Variants in NPDC1 observed in about 807,000 individuals in gnomAD.
NPDC1 encodes neural proliferation differentiation and control protein 1.
NPDC1 carries 18 observed loss-of-function variants against 32.5 expected under a neutral mutation model. The ratio of observed to expected loss-of-function variants is 0.55; its 90% CI spans 0.38 to 0.82. The LOEUF (loss-of-function observed/expected upper bound fraction) is 0.82, where lower values mean the gene tolerates loss of function less well. Among genes scored for constraint, NPDC1 ranks in the 40% least tolerant of loss-of-function variants. NPDC1 has a pLI of 0.00. For missense variants in NPDC1, 468 were observed against 406.6 expected, an observed-to-expected ratio of 1.15 and a Z score of -1.30; for synonymous variants, 210 against 184.7, an observed-to-expected ratio of 1.14 and a Z score of -1.11.
At chr9:137,041,309 CCT>C (rs2131501777) in intron 2 of NPDC1, 122 bp from the exon 3 acceptor site, 1 of 1,087,892 alleles carries the variant, frequency 9.2e-7, no homozygotes, top group Admixed American at 4.0e-5. Flanking sequence ...GCCTGGAGGC[CCT>C]CTCCCTCCCA....
chr9:137,045,037 G>A (rs1832110005), intron 1 of NPDC1, among the ~76,000 whole-genome samples: 1 of 152,210 alleles, frequency 6.6e-6, no homozygotes, highest in South Asian at 2.1e-4. Context: ...TCTTCTGCAG[G>A]GCTGCCAGGA....
At position 137,045,679 on chromosome 9, in the gene NPDC1, G is replaced by A. The variant is rs145834136; in HGVS notation, c.112+199C>T. ...GAAGCCCCATCCGGCGCGGCCTTTTGGAGGCTCCGCGCTGCGCCCTCCGGC... is the reference window on the plus strand; with the variant it reads ...GAAGCCCCATCCGGCGCGGCCTTTTAGAGGCTCCGCGCTGCGCCCTCCGGC... On this transcript the variant is annotated intron_variant, in intron 1 of 8. Transcript: ENST00000371601. 4.8e-4 allele frequency among the ~76,000 whole-genome samples: 73 copies of A among 152,308 alleles called. 1 individual carries two copies. The South Asian group carries it at 7.0e-3, about 15-fold the overall frequency.
rs565906807 is a variant in NPDC1, at chr9:137,040,458, G to T, written c.709-22C>A. On this transcript the variant is annotated intron_variant, in intron 6 of 8. Transcript: ENST00000371601. ...CAGGCTGTGGGAAGGAGGAGGCGAG[G>T]GTCAGTTGGCGGCCAGAGTTGGGCG... 5.1e-6 allele frequency: 8 copies of T among 1,562,966 alleles called. No individual in the cohort carries two copies. The East Asian group carries it at 1.9e-4, about 37-fold the overall frequency.
intron 1 of NPDC1, among the ~76,000 whole-genome samples, chr9:137,045,452 CGCGCACCGGCA>C (rs1437878912): frequency 6.6e-6 from 1 of 152,222 alleles, no homozygotes; most frequent in Non-Finnish European, 1.5e-5. Context: ...GACCCCGGGA[CGCGCACCGGCA>C]GCGAAGCCGG....
Position 137,040,240 on chromosome 9 carries a change from G to T in NPDC1, c.788+117C>A, listed in dbSNP as rs1011112907. ...GGCGGCGGGGGAGGTGAAGGTTAGC[G>T]TGCAGGTGAGGGTGGCAGGGCCTGG... On this transcript the variant is annotated intron_variant, in intron 7 of 8. Coordinates refer to ENST00000371601, the MANE Select transcript of NPDC1 (RefSeq NM_015392.4). 17 of 966,108 alleles carry T rather than the reference G, an allele frequency of 1.8e-5. No individual in the cohort carries two copies. In the African/African-American group the frequency reaches 2.4e-4, roughly 14 times the overall value. 59.8% of individuals were successfully genotyped at this position (966,108 alleles called of 1,614,324 possible).
At position 137,041,082 on chromosome 9, in the gene NPDC1, C is replaced by A. The variant is rs143244193; in HGVS notation, c.365G>T (p.Arg122Leu). 9.2e-6 allele frequency: 14 copies of A among 1,526,368 alleles called. No homozygotes were observed. Among genetic ancestry groups the A allele is most frequent in the Non-Finnish European group, 1.1e-5 (12 of 1,139,018 alleles). The allele number at this position is 1,526,368 out of a possible 1,614,324, so 94.6% of individuals were successfully genotyped here. A position where few individuals can be genotyped will look rare whatever the true frequency, so the allele number is the denominator to read the frequency against. The change falls in exon 3 of 9, where the codon CGA becomes CTA. Residue 122 changes from arginine (R) to leucine (L), a missense_variant. Physicochemically the swap from Arg to Leu is moderately radical, Grantham distance 102 (BLOSUM62 -2). Coordinates refer to ENST00000371601, the MANE Select transcript of NPDC1 (RefSeq NM_015392.4). ...GHSTPPLPKDRQRLPEPATLG... is the reference protein window; with the variant it reads ...GHSTPPLPKDLQRLPEPATLG... ...CTCACCAGGCTCCGGGAGCCGCTGT[C>A]GGTCCTTGGGTAGGGGCGGAGTTGA... is the stretch of plus-strand genomic sequence containing the variant.
rs1832045433 is a variant in NPDC1, at chr9:137,041,140, C to A, written c.307G>T (p.Ala103Ser). Residue 103 changes from alanine to serine, a missense_variant, in exon 3 of 9, where the codon GCC becomes TCC. Physicochemically the swap from Ala to Ser is moderately conservative, Grantham distance 99. Transcript: ENST00000371601. ...GACTCCTTCCGGGCAAGCTCCTGGGCCAGGAAGTCAATCTCATCTTCCAGT... is the reference window on the plus strand; with the variant it reads ...GACTCCTTCCGGGCAAGCTCCTGGGACAGGAAGTCAATCTCATCTTCCAGT... ...PRLEDEIDFLAQELARKESGH... is the reference protein window; with the variant it reads ...PRLEDEIDFLSQELARKESGH... The A allele has an allele frequency of 6.7e-7, 1 of 1,499,546 alleles. No homozygotes were observed. Among genetic ancestry groups the A allele is most frequent in the Non-Finnish European group, 8.9e-7 (1 of 1,125,846 alleles). The allele number at this position is 1,499,546 out of a possible 1,614,324, so 92.9% of individuals were successfully genotyped here.
chr9:137,043,778 G>T, intron 1 of NPDC1: 1 of 223,928 alleles, frequency 4.5e-6, no homozygotes, highest in Non-Finnish European at 8.9e-6. Flanking sequence ...GGCAGGCCAG[G>T]CCCTAGTTCC....
intron 2 of NPDC1, among the ~76,000 whole-genome samples, chr9:137,042,443 CAGAT>C (rs1327008910): frequency 6.6e-6 from 1 of 151,602 alleles, no homozygotes; most frequent in Non-Finnish European, 1.5e-5. Flanking sequence ...ATTTTTAGTA[CAGAT>C]GGGGTTTCAC....
At position 137,040,584 on chromosome 9, in the gene NPDC1, A is replaced by T. The variant is rs1466501592; in HGVS notation, c.638T>A (p.Ile213Asn). 6.4e-7 allele frequency: 1 copy of T among 1,573,864 alleles called. No homozygotes were observed. The highest frequency in any genetic ancestry group is 1.8e-5 in the Admixed American group (1 of 55,334). Reference protein sequence around the residue: ...SLCWCRLQREIRLTQKADYAT... With the variant: ...SLCWCRLQRENRLTQKADYAT... ...GTAGTCGGCCTTCTGAGTCAGGCGG[A>T]TCTCACGCTGCAGCCTGTGGGGAGT... The change falls in exon 6 of 9, where the codon ATC becomes AAC. Residue 213 changes from isoleucine (I) to asparagine (N), a missense_variant. Transcript: ENST00000371601.
In NPDC1 at chr9:137,041,071, G is replaced by A. The variant is rs770265063; in HGVS notation, c.376C>T (p.Pro126Ser). Residue 126 changes from proline (P) to serine (S), a missense_variant, in exon 3 of 9, where the codon CCG becomes TCG. Pro to Ser is a moderately conservative substitution (Grantham distance 74, BLOSUM62 -1). Transcript: ENST00000371601. ...PPLPKDRQRL[P>S]EPATLGFSAR... The stretch of plus-strand genomic sequence containing the variant: ...GAAGCGGGGGTCTCACCAGGCTCCG[G>A]GAGCCGCTGTCGGTCCTTGGGTAGG... 1.3e-6 allele frequency: 2 copies of A among 1,523,630 alleles called. No individual in the cohort carries two copies. The highest frequency in any genetic ancestry group is 1.4e-5 in the African/African-American group (1 of 71,782). 94.4% of individuals were successfully genotyped at this position (1,523,630 alleles called of 1,614,324 possible).
In NPDC1 at chr9:137,040,350, C is replaced by T; in HGVS notation, c.788+7G>A. The T allele has an allele frequency of 1.3e-6, 2 of 1,540,144 alleles. No individual in the cohort carries two copies. Among genetic ancestry groups the T allele is most frequent in the Admixed American group, 2.0e-5 (1 of 50,938 alleles). ...GTGGGGGTGGCAGTGCCGGGGCGGC[C>T]ACTCACCGCTCCAGGCACAGCATCT... On this transcript the variant is annotated splice_region_variant and intron_variant, in intron 7 of 8. Transcript: ENST00000371601.
In NPDC1 at chr9:137,046,002, C is replaced by T; in HGVS notation, c.-13G>A. ...GCGGCGTCGCCATCCTTCAGCGCCG[C>T]CGCCGGGGCAGCATGGCACCGCGAG... On this transcript the variant is annotated 5_prime_UTR_variant, in exon 1 of 9. Transcript: ENST00000371601. 8.4e-7 allele frequency: 1 copy of T among 1,191,628 alleles called. No individual in the cohort carries two copies. The highest frequency in any genetic ancestry group is 4.2e-5 in the South Asian group (1 of 23,974). The allele number at this position is 1,191,628 out of a possible 1,614,324, so 73.8% of individuals were successfully genotyped here.
chr9:137,040,243 C>T, intron 7 of NPDC1, 114 bp downstream of exon 7: 1 of 950,826 alleles, frequency 1.1e-6, no homozygotes. Context: ...GGTTAGCGTG[C>T]AGGTGAGGGT....
intron 1 of NPDC1, chr9:137,043,592 GCCT>G: frequency 1.8e-6 from 1 of 565,214 alleles, no homozygotes; most frequent in Admixed American, 3.1e-5. Flanking sequence ...TGCTCCTCCA[GCCT>G]CTGGCTTGTC....
intron 2 of NPDC1, 51 bp from the exon 3 acceptor site, chr9:137,041,238 C>A (rs1436798187): frequency 1.5e-6 from 2 of 1,356,778 alleles, no homozygotes; most frequent in African/African-American, 3.0e-5. Flanking sequence ...AGGAGGTAGC[C>A]CCAGGCCCGG....
Position 137,039,808 on chromosome 9 carries a change from G to C in NPDC1, c.942C>G (p.Pro314=), listed in dbSNP as rs763060646. Residue 314 remains proline, a synonymous_variant, in exon 9 of 9, where the codon CCC becomes CCG. Transcript: ENST00000371601. The stretch of plus-strand genomic sequence containing the variant: ...CAGGCGGTGAGCTGGGGGCCGGCAG[G>C]GGCGCGGACAGTGCGGCGTGGTCGA... The part of the protein sequence containing the change: ...PLFDHAALSA[P]LPAPSSPPAL... The C allele has an allele frequency of 2.6e-6, 2 of 777,272 alleles. No individual in the cohort carries two copies. The highest frequency in any genetic ancestry group is 3.4e-5 in the African/African-American group (2 of 59,088). The allele number at this position is 777,272 out of a possible 1,614,324, so 48.1% of individuals were successfully genotyped here.
At chr9:137,040,783 C>T (rs974982280) in intron 4 of NPDC1, 31 bp downstream of exon 4, 2 of 1,584,464 alleles carry the variant, frequency 1.3e-6, no homozygotes, top group Non-Finnish European at 8.5e-7. Flanking sequence ...GGGCGCCCTG[C>T]TGCCCCTGCC....
In NPDC1 at chr9:137,040,439, G is replaced by A. The variant is rs765891858; in HGVS notation, c.709-3C>T. 73 of 1,555,698 alleles carry A rather than the reference G, an allele frequency of 4.7e-5. No homozygotes were observed. Among genetic ancestry groups the A allele is most frequent in the Middle Eastern group, 1.8e-4 (1 of 5,656 alleles). ...TGTGCCAGCCGCTGGTCCCCAGGCT[G>A]TGGGAAGGAGGAGGCGAGGGTCAGT... On this transcript the variant is annotated splice_polypyrimidine_tract_variant and splice_region_variant and intron_variant, in intron 6 of 8. Coordinates refer to ENST00000371601, the MANE Select transcript of NPDC1 (RefSeq NM_015392.4).
Sources: allele counts gnomAD v4.1 joint callset (sites outside exome capture counted in the v4.1 genomes callset), GRCh38; gene constraint gnomAD v4.1.1; transcripts MANE v1.5; gene names NCBI Gene and HGNC (gene_info 2026-07-23, HGNC 2026-07-21).